Variants in ST3GAL5 observed in about 807,000 individuals in gnomAD.
The protein encoded by ST3GAL5 is ST3 beta-galactoside alpha-2,3-sialyltransferase 5.
In ST3GAL5, 25 loss-of-function variants were observed where a neutral mutation model predicts 46.1. The ratio of observed to expected loss-of-function variants is 0.54; its 90% confidence interval spans 0.40 to 0.76. ST3GAL5 has a LOEUF of 0.76. Ranked by LOEUF, ST3GAL5 falls within the 30% of genes least tolerant of loss-of-function variation. The probability of loss-of-function intolerance (pLI) is 0.00; values close to 1 mark genes in which losing one functional copy is unlikely to be tolerated. For missense variants in ST3GAL5, 431 were observed against 521.2 expected, an observed-to-expected ratio of 0.83 and a Z score of 1.69; for synonymous variants, 182 against 192.7, an observed-to-expected ratio of 0.94 and a Z score of 0.46.
Position 85,840,493 on chromosome 2 carries a change from T to C in ST3GAL5, c.1009-101A>G, listed in dbSNP as rs749302015. 7.7e-6 allele frequency: 10 copies of C among 1,290,446 alleles called. No homozygotes were observed. In the African/African-American group the frequency reaches 1.0e-4, roughly 13 times the overall value. The allele number at this position is 1,290,446 out of a possible 1,614,324, so 79.9% of individuals were successfully genotyped here. On this transcript the variant is annotated intron_variant, in intron 6 of 6. Transcript: ENST00000638572. The stretch of plus-strand genomic sequence containing the variant: ...GCTACGCAGAGTCATGAAAGCTACA[T>C]TGGGGGCTGCAATTTCATACATCAC...
intron 6 of ST3GAL5, among the ~76,000 whole-genome samples, 200 bp downstream of exon 6, chr2:85,844,194 AAG>A (rs1444690315): frequency 6.6e-6 from 1 of 152,174 alleles, no homozygotes; most frequent in Non-Finnish European, 1.5e-5. Context: ...CACTAAAGAG[AAG>A]AGTCACTGGA....
intron 1 of ST3GAL5, among the ~76,000 whole-genome samples, chr2:85,869,426 T>A (rs1685670496): frequency 6.6e-6 from 1 of 151,968 alleles, no homozygotes; most frequent in African/African-American, 2.4e-5. Context: ...ACATTACCAG[T>A]TCTATTTTTG....
At chr2:85,856,634 A>T (rs1433771543) in intron 3 of ST3GAL5, among the ~76,000 whole-genome samples, 1 of 151,526 alleles carries the variant, frequency 6.6e-6, no homozygotes, top group Admixed American at 6.6e-5. Flanking sequence ...CAGTGGCATG[A>T]TTATAGCTCA....
intron 3 of ST3GAL5, 114 bp from the exon 4 acceptor site, chr2:85,848,318 G>A: frequency 6.2e-7 from 1 of 1,606,406 alleles, no homozygotes; most frequent in Non-Finnish European, 8.5e-7. Flanking sequence ...GTTGATTACT[G>A]TCTTTTAACA....
At chr2:85,852,844 G>C (rs541440022) in intron 3 of ST3GAL5, 2 of 1,296,882 alleles carry the variant, frequency 1.5e-6, no homozygotes, top group East Asian at 5.6e-5. Context: ...CTAGGTCGAG[G>C]CTTCAGTTTT....
In ST3GAL5 at chr2:85,885,389, A is replaced by G. The variant is rs1250219284; in HGVS notation, c.82+3435T>C. 2.6e-5 allele frequency among the ~76,000 whole-genome samples: 4 copies of G among 152,284 alleles called. No individual in the cohort carries two copies. In the East Asian group the frequency reaches 5.8e-4, roughly 22 times the overall value. ...CTGACCCACTGGGAGACTGGGGCCT[A>G]TAGGTGACCACACTTGCTGGCACCA... On this transcript the variant is annotated intron_variant, in intron 1 of 6. Transcript: ENST00000638572.
intron 6 of ST3GAL5, among the ~76,000 whole-genome samples, chr2:85,840,958 A>AAAAAAAAC (rs1681982875): frequency 6.7e-6 from 1 of 150,240 alleles, no homozygotes; most frequent in Non-Finnish European, 1.5e-5. Context: ...AAAAAAAAAA[A>AAAAAAAAC]AAAAAAAAGG....
chr2:85,839,666 A>G lies in ST3GAL5; in HGVS notation c.*478T>C, dbSNP rs575906739. 2.9e-5 allele frequency: 7 copies of G among 244,234 alleles called. No homozygotes were observed. Among genetic ancestry groups the G allele is most frequent in the African/African-American group, 1.6e-4 (7 of 43,574 alleles). 15.1% of individuals were successfully genotyped at this position (244,234 alleles called of 1,614,324 possible). A position where few individuals can be genotyped will look rare whatever the true frequency, so the allele number is the denominator to read the frequency against. ...CACGCCGCTGCATCGCAGACCCAGTATCAGCAGCAGAGCTACGGAGCACGT... is the reference window on the plus strand; with the variant it reads ...CACGCCGCTGCATCGCAGACCCAGTGTCAGCAGCAGAGCTACGGAGCACGT... On this transcript the variant is annotated 3_prime_UTR_variant, in exon 7 of 7. Transcript: ENST00000638572.
chr2:85,869,849 T>C (rs1276480996), intron 1 of ST3GAL5, among the ~76,000 whole-genome samples: 1 of 152,132 alleles, frequency 6.6e-6, no homozygotes, highest in African/African-American at 2.4e-5. Context: ...AGGCTCACAC[T>C]TTCTCACCTG....
At chr2:85,856,918 C>A (rs1174267985) in intron 3 of ST3GAL5, among the ~76,000 whole-genome samples, 2 of 150,198 alleles carry the variant, frequency 1.3e-5, no homozygotes, top group Non-Finnish European at 3.0e-5. Context: ...TTAATTATAT[C>A]TCAATAAAAA....
chr2:85,851,639 A>G, intron 3 of ST3GAL5: 17 of 1,289,288 alleles, frequency 1.3e-5, no homozygotes, highest in Non-Finnish European at 1.7e-5. Flanking sequence ...TTCCCCCTCC[A>G]CTGCTTGCCC....
intron 5 of ST3GAL5, 59 bp downstream of exon 5, chr2:85,846,318 C>T: frequency 3.3e-6 from 5 of 1,501,508 alleles, no homozygotes; most frequent in Non-Finnish European, 4.6e-6. Context: ...ATAATTACAA[C>T]TAAGTAAGAC....
At chr2:85,858,711 T>C (rs1224863931) in intron 3 of ST3GAL5, among the ~76,000 whole-genome samples, 1 of 152,220 alleles carries the variant, frequency 6.6e-6, no homozygotes, top group Non-Finnish European at 1.5e-5. Context: ...TCCTTTGAGA[T>C]TGGCTGCCAT....
chr2:85,858,968 A>G (rs1164830134), intron 3 of ST3GAL5, among the ~76,000 whole-genome samples: 2 of 152,204 alleles, frequency 1.3e-5, no homozygotes, highest in Non-Finnish European at 1.5e-5. Context: ...TAACAACCAG[A>G]GCACTTGACT....
intron 1 of ST3GAL5, among the ~76,000 whole-genome samples, chr2:85,871,237 T>C (rs1685892679): frequency 6.6e-6 from 1 of 152,168 alleles, no homozygotes; most frequent in Admixed American, 6.5e-5. Flanking sequence ...GAGGTCTCAC[T>C]ATGCTGCCAA....
At position 85,847,591 on chromosome 2, in the gene ST3GAL5, G is replaced by A. The variant is rs765050355; in HGVS notation, c.662+270C>T. Reference sequence around the variant, plus strand: ...GAGGAGAAAGGTTGGTTTTAAAAGCGATGTACCCCAGTCTGGGCAATTCGG... The same window carrying A: ...GAGGAGAAAGGTTGGTTTTAAAAGCAATGTACCCCAGTCTGGGCAATTCGG... On this transcript the variant is annotated intron_variant, in intron 4 of 6. Coordinates refer to ENST00000638572, the MANE Select transcript of ST3GAL5 (RefSeq NM_003896.4). 8 of 1,217,362 alleles carry A rather than the reference G, an allele frequency of 6.6e-6. No homozygotes were observed. The South Asian group carries it at 7.5e-5, about 11-fold the overall frequency. The allele number at this position is 1,217,362 out of a possible 1,614,324, so 75.4% of individuals were successfully genotyped here. A position where few individuals can be genotyped will look rare whatever the true frequency, so the allele number is the denominator to read the frequency against.
intron 3 of ST3GAL5, chr2:85,851,275 G>C: frequency 8.9e-7 from 1 of 1,122,628 alleles, no homozygotes; most frequent in South Asian, 2.2e-5. Context: ...TTCTGACTGT[G>C]ACCCCTCCTG....
intron 1 of ST3GAL5, chr2:85,887,318 T>A (rs1268462550): frequency 4.6e-5 from 7 of 152,252 alleles, no homozygotes; most frequent in African/African-American, 1.7e-4. Flanking sequence ...TTATAAGAAC[T>A]GTCCAAATAG....
chr2:85,846,470 G>A lies in ST3GAL5; in HGVS notation c.756C>T (p.Asp252=), dbSNP rs751879701. The stretch of plus-strand genomic sequence containing the variant: ...ATAAGTCATTGGAATAATATTCAAG[G>A]TCAGACAGTGGTGCGCCCTCTGGAT... ...MTYPEGAPLS[D]LEYYSNDLFV... Residue 252 remains aspartate, a synonymous_variant, in exon 5 of 7, where the codon GAC becomes GAT. Coordinates refer to ENST00000638572, the MANE Select transcript of ST3GAL5 (RefSeq NM_003896.4). The A allele has an allele frequency of 2.5e-6, 4 of 1,614,102 alleles. No homozygotes were observed. In the South Asian group the frequency reaches 4.4e-5, roughly 18 times the overall value.
Sources: gnomAD v4.1 joint callset for allele counts (sites outside exome capture counted in the v4.1 genomes callset) on GRCh38, gnomAD v4.1.1 for gene constraint, MANE v1.5 for transcripts, NCBI Gene and HGNC (gene_info 2026-07-23, HGNC 2026-07-21) for gene names.